Variants in PTPN12 observed in about 807,000 individuals in gnomAD.
The protein encoded by PTPN12 is tyrosine-protein phosphatase non-receptor type 12.
In PTPN12, 29 loss-of-function variants were observed where a neutral mutation model predicts 97.6. The ratio of observed to expected loss-of-function variants is 0.30; its 90% CI spans 0.22 to 0.41. The LOEUF is 0.41. Among genes scored for constraint, PTPN12 ranks in the 10% least tolerant of loss-of-function variants. The probability of loss-of-function intolerance (pLI) is 1.00; values close to 1 mark genes in which losing one functional copy is unlikely to be tolerated. For synonymous variants in PTPN12, 327 were observed against 300.4 expected, an observed-to-expected ratio of 1.09 and a Z score of -0.91; for missense variants, 819 against 926.0, an observed-to-expected ratio of 0.88 and a Z score of 1.50.
chr7:77,607,280 G>A lies in PTPN12; in HGVS notation c.741G>A (p.Thr247=), dbSNP rs576909138. The stretch of plus-strand genomic sequence containing the variant: ...GTGCCATTTGTGCCATAGATTATAC[G>A]TGGAATTTACTAAAAGCTGGGGTAA... The part of the protein sequence containing the change: ...RTGAICAIDY[T]WNLLKAGKIP... The change falls in exon 9 of 18, where the codon ACG becomes ACA. Residue 247 remains threonine, a synonymous_variant. Transcript: ENST00000248594. The A allele has an allele frequency of 8.1e-6, 13 of 1,611,124 alleles. No homozygotes were observed. The highest frequency in any genetic ancestry group is 5.3e-5 in the African/African-American group (4 of 74,858).
chr7:77,549,392 A>T (rs1220888634), intron 1 of PTPN12, among the ~76,000 whole-genome samples: 1 of 152,176 alleles, frequency 6.6e-6, no homozygotes, highest in Non-Finnish European at 1.5e-5. Context: ...GCAGAGCATT[A>T]TTTCACATTT....
chr7:77,537,520 C>T lies in PTPN12; in HGVS notation c.-27C>T, dbSNP rs371616036. ...GGCGGGCGGGCGGCGGGGGGGCCAG[C>T]GACCGCAGCCGGGGGGACGCGGGAG... On this transcript the variant is annotated 5_prime_UTR_variant, in exon 1 of 18. Coordinates refer to ENST00000248594, the MANE Select transcript of PTPN12 (RefSeq NM_002835.4). 54 of 1,563,758 alleles carry T rather than the reference C, an allele frequency of 3.5e-5. No individual in the cohort carries two copies. The highest frequency in any genetic ancestry group is 4.5e-5 in the Non-Finnish European group (52 of 1,157,058).
intron 2 of PTPN12, among the ~76,000 whole-genome samples, chr7:77,572,149 C>T (rs895727204): frequency 4.1e-5 from 6 of 148,118 alleles, no homozygotes; most frequent in East Asian, 4.0e-4. Context: ...GGCTGGAGTG[C>T]GGTGGTGGGA....
At chr7:77,631,381 A>G (rs114563066) in intron 13 of PTPN12, among the ~76,000 whole-genome samples, 2 of 152,348 alleles carry the variant, frequency 1.3e-5, no homozygotes, top group African/African-American at 2.4e-5. Flanking sequence ...ATGCATAGCC[A>G]TCAGGTGTGG....
chr7:77,537,632 C>T lies in PTPN12; in HGVS notation c.86C>T (p.Ala29Val), dbSNP rs1404439792. ...GACCACAATGGGGAGGACAACTTCG[C>T]CCGGGACTTCATGGTGAGTCTCTCC... ...SPDHNGEDNF[A>V]RDFMRLRRLS... Residue 29 changes from alanine to valine, a missense_variant, in exon 1 of 18, where the codon GCC (alanine) becomes GTC (valine). Ala to Val is a moderately conservative substitution (Grantham distance 64). Around this residue, in one of 5 missense-constraint regions of PTPN12, gnomAD observed 59 missense variants for 42.2 expected, o/e 1.40. Transcript: ENST00000248594. The T allele has an allele frequency of 1.9e-6, 3 of 1,597,836 alleles. No homozygotes were observed. In the East Asian group the frequency reaches 6.9e-5, roughly 37 times the overall value.
At chr7:77,621,584 G>C (rs938799561) in intron 12 of PTPN12, among the ~76,000 whole-genome samples, 4 of 151,950 alleles carry the variant, frequency 2.6e-5, no homozygotes. Flanking sequence ...CAAAAGAATT[G>C]CTTGAACCCG....
Position 77,589,996 on chromosome 7 carries a change from A to C in PTPN12, c.421-2189A>C, listed in dbSNP as rs776039078. ...ATTATGAGCAAGTTAGGAACTATGAAATTATCTGATAACCTTGACTTTGAT... is the reference window on the plus strand; with the variant it reads ...ATTATGAGCAAGTTAGGAACTATGACATTATCTGATAACCTTGACTTTGAT... On this transcript the variant is annotated intron_variant, in intron 5 of 17. Coordinates refer to ENST00000248594, the MANE Select transcript of PTPN12 (RefSeq NM_002835.4). Among the ~76,000 whole-genome samples, 255 of 152,202 alleles carry C rather than the reference A, an allele frequency of 1.7e-3. 7 individuals carry two copies. Among genetic ancestry groups the C allele is most frequent in the Non-Finnish European group, 5.0e-4 (34 of 68,024 alleles).
intron 11 of PTPN12, among the ~76,000 whole-genome samples, chr7:77,616,791 GT>G (rs923921336): frequency 8.6e-5 from 13 of 150,558 alleles, no homozygotes; most frequent in Admixed American, 2.7e-4. Context: ...GTACTTTTTT[GT>G]TTTTTTTTGA....
intron 1 of PTPN12, among the ~76,000 whole-genome samples, chr7:77,569,792 G>T (rs1180683311): frequency 6.6e-6 from 1 of 152,054 alleles, no homozygotes; most frequent in Non-Finnish European, 1.5e-5. Flanking sequence ...ACAAAGTGCT[G>T]TGGTATGTAA....
chr7:77,586,636 C>T (rs1787701445), intron 5 of PTPN12, among the ~76,000 whole-genome samples: 1 of 152,190 alleles, frequency 6.6e-6, no homozygotes, highest in African/African-American at 2.4e-5. Flanking sequence ...CTCTTCCTTT[C>T]ATGAAAGATT....
chr7:77,583,579 G>A lies in PTPN12; in HGVS notation c.310G>A (p.Val104Ile). 6.2e-7 allele frequency: 1 copy of A among 1,611,086 alleles called. No homozygotes were observed. The highest frequency in any genetic ancestry group is 8.5e-7 in the Non-Finnish European group (1 of 1,178,662). ...IKGVYGPKAY[V>I]ATQGPLANTV... is the part of the protein sequence containing the mutation. ...GGGCGTCTATGGGCCAAAAGCATAT[G>A]TAGCAACTCAAGGACCTTTAGCAAA... Residue 104 changes from valine (V) to isoleucine (I), a missense_variant, in exon 4 of 18, where the codon GTA becomes ATA. By Grantham distance (29) the Val-to-Ile change is conservative (BLOSUM62 3). Around this residue, in one of 5 missense-constraint regions of PTPN12, gnomAD observed 66 missense variants for 133.6 expected, o/e 0.49. Transcript: ENST00000248594.
intron 1 of PTPN12, among the ~76,000 whole-genome samples, chr7:77,560,788 C>T (rs1807962894): frequency 1.3e-5 from 2 of 152,084 alleles, no homozygotes; most frequent in African/African-American, 4.8e-5. Flanking sequence ...TTTTGTTTAT[C>T]TATTTGCCCA....
At chr7:77,610,894 CT>C in intron 10 of PTPN12, 52 bp downstream of exon 10, 1 of 1,583,078 alleles carries the variant, frequency 6.3e-7, no homozygotes, top group Non-Finnish European at 8.6e-7. Flanking sequence ...ATGCTTTCTT[CT>C]TTTTTAAAAT....
At chr7:77,605,041 GAT>G (rs1788316042) in intron 8 of PTPN12, 1 of 169,662 alleles carries the variant, frequency 5.9e-6, no homozygotes, top group Non-Finnish European at 1.3e-5. Flanking sequence ...TCAAATTTTA[GAT>G]ATATATAATT....
intron 1 of PTPN12, among the ~76,000 whole-genome samples, chr7:77,563,088 AG>A (rs1437420486): frequency 1.3e-5 from 2 of 152,204 alleles, no homozygotes; most frequent in African/African-American, 4.8e-5. Flanking sequence ...CTCAAAATCA[AG>A]GACTATTACT....
intron 1 of PTPN12, among the ~76,000 whole-genome samples, chr7:77,540,383 G>C (rs1199663275): frequency 6.6e-6 from 1 of 151,406 alleles, no homozygotes; most frequent in African/African-American, 2.4e-5. Flanking sequence ...GATTACAGGC[G>C]CATGCCACCA....
chr7:77,601,151 C>T (rs1172421433), intron 8 of PTPN12, among the ~76,000 whole-genome samples: 1 of 152,080 alleles, frequency 6.6e-6, no homozygotes, highest in Non-Finnish European at 1.5e-5. Flanking sequence ...TAATCAATTT[C>T]CCTGAAACAA....
intron 2 of PTPN12, among the ~76,000 whole-genome samples, chr7:77,576,556 G>A (rs1787348760): frequency 6.6e-6 from 1 of 152,058 alleles, no homozygotes; most frequent in Non-Finnish European, 1.5e-5. Flanking sequence ...AATTAGCTAG[G>A]CATGATGGCA....
At chr7:77,616,806 G>A (rs28521221) in intron 11 of PTPN12, among the ~76,000 whole-genome samples, 30,868 of 151,318 alleles carry the variant, frequency 0.2, 3,934 homozygotes, top group African/African-American at 0.36. Flanking sequence ...TTTTTGAGAC[G>A]GAGTCTTGCT....
Sources: allele counts gnomAD v4.1 joint callset (sites outside exome capture counted in the v4.1 genomes callset), GRCh38; gene constraint gnomAD v4.1.1; regional missense constraint gnomAD v4.1.1; transcripts MANE v1.5; gene names NCBI Gene and HGNC (gene_info 2026-07-23, HGNC 2026-07-21).